Variants in SLC24A2 observed in about 807,000 individuals in gnomAD.
The protein encoded by SLC24A2 is solute carrier family 24 member 2.
In SLC24A2, 36 loss-of-function variants were observed where a neutral mutation model predicts 62.0. That is an observed-to-expected ratio of 0.58 (90% CI 0.44 to 0.77). SLC24A2 has a LOEUF of 0.77. Among genes scored for constraint, SLC24A2 ranks in the 30% least tolerant of loss-of-function variants. The pLI is 0.00. For synonymous variants in SLC24A2, 358 were observed against 294.0 expected, an observed-to-expected ratio of 1.22 and a Z score of -2.23; for missense variants, 846 against 817.9, an observed-to-expected ratio of 1.03 and a Z score of -0.42.
the SLC24A2 span, among the ~76,000 whole-genome samples, chr9:20,097,724 T>C: frequency 1.3e-4 from 2 of 15,968 alleles, no homozygotes; most frequent in African/African-American, 4.2e-4. Flanking sequence ...TAAATAATTT[T>C]TTTTTTTTTT....
intron 6 of SLC24A2, among the ~76,000 whole-genome samples, chr9:19,574,872 G>T (rs1353821680): frequency 6.6e-6 from 1 of 152,172 alleles, no homozygotes; most frequent in African/African-American, 2.4e-5. Context: ...GAATGAGGCT[G>T]TAGTATGCTG....
chr9:19,786,143 C>T lies in SLC24A2; in HGVS notation c.724G>A (p.Val242Met). The T allele has an allele frequency of 6.2e-7, 1 of 1,614,200 alleles. No individual in the cohort carries two copies. The highest frequency in any genetic ancestry group is 8.5e-7 in the Non-Finnish European group (1 of 1,180,030). The change falls in exon 2 of 11, where the codon GTG becomes ATG. Residue 242 changes from valine to methionine, a missense_variant. Coordinates refer to ENST00000341998, the MANE Select transcript of SLC24A2 (RefSeq NM_020344.4). The surrounding 1 kb of genome is among the most constrained non-coding windows in gnomAD (Gnocchi z 5.0). ...NLTWWPLFRDVSFYIVDLIML... is the reference protein window; with the variant it reads ...NLTWWPLFRDMSFYIVDLIML... Reference sequence around the variant, plus strand: ...ATCAAGTCAACAATGTAGAAAGACACATCTCGAAAGAGCGGCCACCATGTC... The same window carrying T: ...ATCAAGTCAACAATGTAGAAAGACATATCTCGAAAGAGCGGCCACCATGTC...
At chr9:20,012,262 T>C in the SLC24A2 span, among the ~76,000 whole-genome samples, 1 of 152,286 alleles carries the variant, frequency 6.6e-6, no homozygotes, top group African/African-American at 2.4e-5. Context: ...CTCACAATCA[T>C]GGCAGAAGGT....
At chr9:20,305,333 C>T in the SLC24A2 span, among the ~76,000 whole-genome samples, 1 of 152,134 alleles carries the variant, frequency 6.6e-6, no homozygotes, top group South Asian at 2.1e-4. Flanking sequence ...GTCTCGATCT[C>T]CTGACCTCAT....
intron 2 of SLC24A2, among the ~76,000 whole-genome samples, chr9:19,626,255 A>G (rs1346311871): frequency 6.6e-6 from 1 of 152,216 alleles, no homozygotes; most frequent in Non-Finnish European, 1.5e-5. Flanking sequence ...CCTCACACAC[A>G]TAAAAATTAG....
At chr9:19,755,627 C>T (rs1458506010) in intron 2 of SLC24A2, among the ~76,000 whole-genome samples, 2 of 152,138 alleles carry the variant, frequency 1.3e-5, no homozygotes, top group Non-Finnish European at 2.9e-5. Context: ...TGGGCAAATG[C>T]TCCATTTTCC....
At chr9:20,135,902 A>G in the SLC24A2 span, among the ~76,000 whole-genome samples, 1 of 152,014 alleles carries the variant, frequency 6.6e-6, no homozygotes, top group Non-Finnish European at 1.5e-5. Context: ...CTTGATTTCC[A>G]CTCAAAATTG....
the SLC24A2 span, among the ~76,000 whole-genome samples, chr9:19,888,148 C>G: frequency 6.6e-6 from 1 of 152,172 alleles, no homozygotes; most frequent in Non-Finnish European, 1.5e-5. Flanking sequence ...TAAAAAGTAT[C>G]CTTTCCAACC....
the SLC24A2 span, among the ~76,000 whole-genome samples, chr9:20,092,231 A>T: frequency 1.2e-3 from 177 of 152,348 alleles, no homozygotes; most frequent in African/African-American, 3.9e-3. Context: ...ATACCTCTGA[A>T]CCTAAAATAA....
the SLC24A2 span, among the ~76,000 whole-genome samples, chr9:20,049,235 T>A: frequency 3.3e-5 from 5 of 152,210 alleles, no homozygotes; most frequent in Non-Finnish European, 7.3e-5. Context: ...TTGTAATGGT[T>A]ATTGTACCAG....
At chr9:19,899,245 A>C in the SLC24A2 span, among the ~76,000 whole-genome samples, 1 of 152,220 alleles carries the variant, frequency 6.6e-6, no homozygotes, top group African/African-American at 2.4e-5. Flanking sequence ...GAGAAAGGGG[A>C]AATTGCCCCC....
chr9:20,130,867 C>G, the SLC24A2 span, among the ~76,000 whole-genome samples: 2 of 152,046 alleles, frequency 1.3e-5, no homozygotes, highest in Non-Finnish European at 2.9e-5. Flanking sequence ...AGACTCCTTA[C>G]CCTTTCATTG....
In SLC24A2 at chr9:19,507,981, T is replaced by C. The variant is rs1374756249; in HGVS notation, c.*8172A>G. 2.0e-5 allele frequency: 3 copies of C among 152,252 alleles called. No individual in the cohort carries two copies. The highest frequency in any genetic ancestry group is 4.4e-5 in the Non-Finnish European group (3 of 68,040). 9.4% of individuals were successfully genotyped at this position (152,252 alleles called of 1,614,324 possible). ...GCAAATGTCTATGTTGGCGTCAACGTTGACAACATTTTCTTTGTTTTAACC... is the reference window on the plus strand; with the variant it reads ...GCAAATGTCTATGTTGGCGTCAACGCTGACAACATTTTCTTTGTTTTAACC... On this transcript the variant is annotated 3_prime_UTR_variant, in exon 11 of 11. Coordinates refer to ENST00000341998, the MANE Select transcript of SLC24A2 (RefSeq NM_020344.4).
rs1832842723 is a variant in SLC24A2, at chr9:19,514,217, G to C, written c.*1936C>G. 6.6e-6 allele frequency: 1 copy of C among 152,178 alleles called. No homozygotes were observed. Among genetic ancestry groups the C allele is most frequent in the Admixed American group, 6.6e-5 (1 of 15,254 alleles). 9.4% of individuals were successfully genotyped at this position (152,178 alleles called of 1,614,324 possible). On this transcript the variant is annotated 3_prime_UTR_variant, in exon 11 of 11. Coordinates refer to ENST00000341998, the MANE Select transcript of SLC24A2 (RefSeq NM_020344.4). ...TGGAAGGAATACTGAGCTTGATCTGGGGCTGTCAGGTTACCTTTCCTCTTA... is the reference window on the plus strand; with the variant it reads ...TGGAAGGAATACTGAGCTTGATCTGCGGCTGTCAGGTTACCTTTCCTCTTA...
At chr9:20,284,243 C>A in the SLC24A2 span, among the ~76,000 whole-genome samples, 2 of 151,972 alleles carry the variant, frequency 1.3e-5, no homozygotes, top group Non-Finnish European at 2.9e-5. Context: ...TCACATGAAG[C>A]TTTTGTTTGT....
chr9:19,594,515 A>C (rs1836649686), intron 5 of SLC24A2, among the ~76,000 whole-genome samples: 1 of 152,154 alleles, frequency 6.6e-6, no homozygotes, highest in Non-Finnish European at 1.5e-5. Context: ...CAAAAAAATG[A>C]CCCAGGCTTC....
chr9:19,607,146 A>C (rs1837006126), intron 4 of SLC24A2, among the ~76,000 whole-genome samples: 1 of 152,250 alleles, frequency 6.6e-6, no homozygotes, highest in African/African-American at 2.4e-5. Flanking sequence ...CTCATATCAC[A>C]GATGATGTTT....
chr9:20,279,601 T>A, the SLC24A2 span, among the ~76,000 whole-genome samples: 1 of 152,208 alleles, frequency 6.6e-6, no homozygotes, highest in African/African-American at 2.4e-5. Context: ...TGCAAGTCCA[T>A]CAACAATGTC....
intron 4 of SLC24A2, among the ~76,000 whole-genome samples, chr9:19,597,995 T>A (rs1836744513): frequency 6.6e-6 from 1 of 152,084 alleles, no homozygotes; most frequent in African/African-American, 2.4e-5. Flanking sequence ...TGTGTACACA[T>A]CATCAATGGA....
Sources: allele counts gnomAD v4.1 joint callset (sites outside exome capture counted in the v4.1 genomes callset), GRCh38; gene constraint gnomAD v4.1.1; non-coding constraint Gnocchi (gnomAD v3.1); transcripts MANE v1.5; gene names NCBI Gene and HGNC (gene_info 2026-07-23, HGNC 2026-07-21).